The following SH3RF3 variants were observed in gnomAD, a reference collection of about 807,000 sequenced individuals.
SH3RF3 encodes the protein SH3 domain containing ring finger 3, also known as E3 ubiquitin-protein ligase SH3RF3.
A neutral mutation model predicts 66.3 loss-of-function variants in SH3RF3; 29 were observed. The observed-to-expected ratio is 0.44, with a 90% CI of 0.33 to 0.60. The LOEUF is 0.60. Among genes scored for constraint, SH3RF3 ranks in the 20% least tolerant of loss-of-function variants. SH3RF3 has a pLI of 0.04. For missense variants in SH3RF3, 1,194 were observed against 1,190.9 expected (o/e 1.00, Z -0.04); for synonymous variants, 583 against 532.0 (o/e 1.10, Z -1.32).
chr2:109,283,302 G>T (rs959440353), intron 1 of SH3RF3, among the ~76,000 whole-genome samples: 2 of 152,170 alleles, frequency 1.3e-5, no homozygotes, highest in African/African-American at 4.8e-5. Flanking sequence ...CTCCCCACTT[G>T]TGGGCCTGCT....
chr2:109,280,170 T>C (rs1161844770), intron 1 of SH3RF3, among the ~76,000 whole-genome samples: 2 of 152,196 alleles, frequency 1.3e-5, no homozygotes, highest in African/African-American at 4.8e-5. Context: ...AGCTGACATC[T>C]ATAATTAATG....
intron 6 of SH3RF3, among the ~76,000 whole-genome samples, chr2:109,436,192 T>TC (rs1677392889): frequency 6.6e-6 from 1 of 152,118 alleles, no homozygotes; most frequent in Non-Finnish European, 1.5e-5. Flanking sequence ...GACATTTAAT[T>TC]CCCCTGAAAC....
chr2:109,479,580 G>A lies in SH3RF3; in HGVS notation c.2149-11025G>A, dbSNP rs150046045. ...TCATGGGCAGAGGAAGCAGCAGCCA[G>A]GGCAGGGCCAGGTGTGCCCGTACAG... On this transcript the variant is annotated intron_variant, in intron 8 of 9. Coordinates refer to ENST00000309415, the MANE Select transcript of SH3RF3 (RefSeq NM_001099289.3). Among the ~76,000 whole-genome samples the A allele has an allele frequency of 3.4e-3, 525 of 152,290 alleles. 18 individuals carry two copies. The East Asian group carries it at 0.06, about 18-fold the overall frequency.
chr2:109,308,978 G>C lies in SH3RF3; in HGVS notation c.574-38696G>C, dbSNP rs1247292517. On this transcript the variant is annotated intron_variant, in intron 1 of 9. Coordinates refer to ENST00000309415, the MANE Select transcript of SH3RF3 (RefSeq NM_001099289.3). Reference sequence around the variant, plus strand: ...CTGTGAAGAAAGTCATTGGTAGCTTGATGGGGATGGCATTGAATCTGTAAA... The same window carrying C: ...CTGTGAAGAAAGTCATTGGTAGCTTCATGGGGATGGCATTGAATCTGTAAA... Among the ~76,000 whole-genome samples the C allele has an allele frequency of 5.0e-5, 4 of 79,970 alleles. 2 individuals carry two copies. Among genetic ancestry groups the C allele is most frequent in the Non-Finnish European group, 8.3e-5 (4 of 48,120 alleles). The allele number at this position is 79,970 out of a possible 152,430, so 52.5% of individuals were successfully genotyped here.
chr2:109,494,279 A>T (rs955206457), intron 9 of SH3RF3, among the ~76,000 whole-genome samples: 2 of 146,570 alleles, frequency 1.4e-5, no homozygotes, highest in Admixed American at 7.1e-5. Context: ...GGGTCATTGT[A>T]CCCAGAGACT....
chr2:109,267,949 A>G (rs543960764), intron 1 of SH3RF3, among the ~76,000 whole-genome samples: 7 of 151,998 alleles, frequency 4.6e-5, no homozygotes, highest in Non-Finnish European at 1.0e-4. Flanking sequence ...GGGAGAGGAC[A>G]GAGCACCCCA....
rs545934623 is a variant in SH3RF3 at position 109,161,328 on chromosome 2, G to T, written c.573+31215G>T. 4.6e-5 allele frequency among the ~76,000 whole-genome samples: 7 copies of T among 152,140 alleles called. No individual in the cohort carries two copies. The East Asian group carries it at 1.4e-3, about 30-fold the overall frequency. ...GGAAGACAAGGTGGGGCTAAGTGTG[G>T]TATGCACGGGTTTCTCTCTCCCACC... On this transcript the variant is annotated intron_variant, in intron 1 of 9. Coordinates refer to ENST00000309415, the MANE Select transcript of SH3RF3 (RefSeq NM_001099289.3).
At chr2:109,252,341 G>T (rs893975008) in intron 1 of SH3RF3, among the ~76,000 whole-genome samples, 1 of 152,128 alleles carries the variant, frequency 6.6e-6, no homozygotes, top group African/African-American at 2.4e-5. Context: ...CAGAAGCCGG[G>T]TTTATTTTTA....
At chr2:109,321,592 A>G (rs1465137411) in intron 1 of SH3RF3, among the ~76,000 whole-genome samples, 6 of 152,392 alleles carry the variant, frequency 3.9e-5, no homozygotes, top group East Asian at 1.9e-4. Context: ...GAGACAATCA[A>G]TAGAGGATTA....
chr2:109,185,451 A>T (rs1035562237), intron 1 of SH3RF3, among the ~76,000 whole-genome samples: 2 of 152,254 alleles, frequency 1.3e-5, no homozygotes, highest in African/African-American at 4.8e-5. Context: ...AGGCAAGTTA[A>T]TTTAACAAAA....
At chr2:109,175,225 G>T (rs1478706199) in intron 1 of SH3RF3, among the ~76,000 whole-genome samples, 1 of 152,194 alleles carries the variant, frequency 6.6e-6, no homozygotes, top group Admixed American at 6.5e-5. Context: ...GCCATGGCCT[G>T]TGGTGCTTCC....
chr2:109,471,597 G>A (rs1678511953), intron 8 of SH3RF3, among the ~76,000 whole-genome samples: 1 of 152,212 alleles, frequency 6.6e-6, no homozygotes, highest in South Asian at 2.1e-4. Flanking sequence ...CATTGGAACA[G>A]CTCATGTAGG....
intron 3 of SH3RF3, among the ~76,000 whole-genome samples, chr2:109,377,185 G>A (rs1427755171): frequency 6.6e-6 from 1 of 152,196 alleles, no homozygotes; most frequent in Non-Finnish European, 1.5e-5. Flanking sequence ...CTTTTCAGGG[G>A]CATGTGATGG....
In SH3RF3 at chr2:109,130,031, C is replaced by G; in HGVS notation, c.491C>G (p.Pro164Arg). The G allele has an allele frequency of 7.4e-7, 1 of 1,342,844 alleles. No individual in the cohort carries two copies. Among genetic ancestry groups the G allele is most frequent in the Non-Finnish European group, 9.5e-7 (1 of 1,050,246 alleles). 83.2% of individuals were successfully genotyped at this position (1,342,844 alleles called of 1,614,324 possible). The change falls in exon 1 of 10, where the codon CCG (proline) becomes CGG (arginine). Residue 164 changes from proline to arginine, a missense_variant. Coordinates refer to ENST00000309415, the MANE Select transcript of SH3RF3 (RefSeq NM_001099289.3). ...GCGGCAGGCAGCACCCCGGGTTCCC[C>G]GGTTTTCCTCTCCGCGGCCGCGGGC... ...GGAAGSTPGS[P>R]VFLSAAAGST...
At chr2:109,167,898 G>A (rs774850915) in intron 1 of SH3RF3, among the ~76,000 whole-genome samples, 19 of 152,130 alleles carry the variant, frequency 1.2e-4, no homozygotes, top group African/African-American at 2.9e-4. Flanking sequence ...CCACTTGACC[G>A]TAAGCTTCAT....
chr2:109,398,576 C>G lies in SH3RF3; in HGVS notation c.946-14C>G. 5 of 1,538,428 alleles carry G rather than the reference C, an allele frequency of 3.3e-6. No homozygotes were observed. Among genetic ancestry groups the G allele is most frequent in the Non-Finnish European group, 4.4e-6 (5 of 1,141,792 alleles). On this transcript the variant is annotated splice_polypyrimidine_tract_variant and intron_variant, in intron 3 of 9. Coordinates refer to ENST00000309415, the MANE Select transcript of SH3RF3 (RefSeq NM_001099289.3). ...TGATTTAATGCAGCCTCCCCTCTCC[C>G]CTTTCTCACTCAGCTCAATGACTCC...
chr2:109,251,685 C>G, intron 1 of SH3RF3: 2 of 1,113,460 alleles, frequency 1.8e-6, no homozygotes, highest in South Asian at 2.6e-5. Context: ...CATGTCCTCT[C>G]TTCATAGGTT....
chr2:109,201,349 A>G (rs535049134), intron 1 of SH3RF3, among the ~76,000 whole-genome samples: 52 of 152,376 alleles, frequency 3.4e-4, no homozygotes, highest in South Asian at 1.7e-3. Flanking sequence ...ACCCACAGGT[A>G]CATGGCCTGG....
intron 1 of SH3RF3, among the ~76,000 whole-genome samples, chr2:109,180,822 A>C (rs925100444): frequency 6.6e-6 from 1 of 152,190 alleles, no homozygotes. Context: ...GAAACAGACT[A>C]ATATACTCAG....
Sources: allele counts gnomAD v4.1 joint callset (sites outside exome capture counted in the v4.1 genomes callset), GRCh38; gene constraint gnomAD v4.1.1; transcripts MANE v1.5; gene names NCBI Gene and HGNC (gene_info 2026-07-23, HGNC 2026-07-21).